The following DLGAP1 variants were observed in gnomAD, a reference collection of about 807,000 sequenced individuals.
DLGAP1 encodes the protein DLG associated protein 1, also known as disks large-associated protein 1.
DLGAP1 carries 11 observed loss-of-function variants against 90.8 expected under a neutral mutation model. The observed-to-expected ratio is 0.12, with a 90% confidence interval of 0.08 to 0.20. DLGAP1 has a LOEUF of 0.20. Ranked by LOEUF, DLGAP1 falls within the 10% of genes least tolerant of loss-of-function variation. DLGAP1 has a pLI of 1.00. For missense variants in DLGAP1, 1,050 were observed against 1,333.8 expected, an observed-to-expected ratio of 0.79 and a Z score of 3.31; for synonymous variants, 558 against 540.7, an observed-to-expected ratio of 1.03 and a Z score of -0.44.
At chr18:3,782,775 T>C (rs1480261304) in intron 5 of DLGAP1, among the ~76,000 whole-genome samples, 1 of 152,216 alleles carries the variant, frequency 6.6e-6, no homozygotes, top group Admixed American at 6.5e-5. Context: ...TGACCTCAAT[T>C]ATTATGACTT....
chr18:3,853,071 T>C (rs2069433667), intron 4 of DLGAP1, among the ~76,000 whole-genome samples: 1 of 152,156 alleles, frequency 6.6e-6, no homozygotes, highest in African/African-American at 2.4e-5. Flanking sequence ...CGACAGGGAT[T>C]ACCTCTTCTT....
intron 4 of DLGAP1, among the ~76,000 whole-genome samples, chr18:3,844,260 A>AT (rs948020709): frequency 6.6e-6 from 1 of 152,188 alleles, no homozygotes; most frequent in Admixed American, 6.5e-5. Context: ...AAAGTCTCTG[A>AT]TTTTTCAGGT....
At chr18:3,864,345 T>C (rs536263893) in intron 4 of DLGAP1, among the ~76,000 whole-genome samples, 3 of 152,332 alleles carry the variant, frequency 2.0e-5, no homozygotes, top group South Asian at 4.1e-4. Context: ...TAGGGAATTA[T>C]TTCACTTCTC....
intron 2 of DLGAP1, among the ~76,000 whole-genome samples, chr18:4,063,978 A>G (rs1329532029): frequency 2.0e-5 from 3 of 151,998 alleles, no homozygotes; most frequent in Non-Finnish European, 2.9e-5. Flanking sequence ...TGGCCCCCAC[A>G]ATTCATTCTC....
chr18:4,181,690 A>G (rs894907543), intron 1 of DLGAP1, among the ~76,000 whole-genome samples: 1 of 151,100 alleles, frequency 6.6e-6, no homozygotes, highest in African/African-American at 2.4e-5. Flanking sequence ...GTGTCTTTGG[A>G]TTTCTTCTTT....
rs561008222 is a variant in DLGAP1 at position 3,775,876 on chromosome 18, T to C, written c.1173-33364A>G. Among the ~76,000 whole-genome samples, 1 of 152,206 alleles carries C rather than the reference T, an allele frequency of 6.6e-6. No homozygotes were observed. Among genetic ancestry groups the C allele is most frequent in the Admixed American group, 6.5e-5 (1 of 15,276 alleles). On this transcript the variant is annotated intron_variant, in intron 5 of 12. Transcript: ENST00000315677. The surrounding 1 kb of genome is among the most constrained non-coding windows in gnomAD (Gnocchi z 4.9). The stretch of plus-strand genomic sequence containing the variant: ...AGAGATAAACAACCCTGGCTTCTGA[T>C]ACCATAGATTCGTTTGGTCTGTTTT...
chr18:3,970,649 A>G (rs76596335), intron 3 of DLGAP1, among the ~76,000 whole-genome samples: 1,919 of 152,316 alleles, frequency 0.013, 17 homozygotes, highest in Non-Finnish European at 0.02. Flanking sequence ...TTAGACTGCA[A>G]AATAGTAATA....
intron 2 of DLGAP1, among the ~76,000 whole-genome samples, chr18:4,120,141 G>A (rs888154684): frequency 1.3e-5 from 2 of 152,174 alleles, no homozygotes; most frequent in Non-Finnish European, 2.9e-5. Context: ...TAATTATAAT[G>A]CTATTTATTA....
chr18:4,147,571 TTCCATCCATCCATCCATCCATCCATCCA>T (rs140010625), intron 2 of DLGAP1, among the ~76,000 whole-genome samples: 46 of 147,890 alleles, frequency 3.1e-4, no homozygotes, highest in African/African-American at 1.1e-3. Context: ...TCATCCATTC[TTCCATCCATCCATCCATCCATCCATCCA>T]TCCATCCATC....
chr18:3,757,053 G>C (rs1310980402), intron 5 of DLGAP1, among the ~76,000 whole-genome samples: 1 of 152,126 alleles, frequency 6.6e-6, no homozygotes, highest in East Asian at 1.9e-4. Flanking sequence ...GAAAATAGAG[G>C]AAGAATAAAT....
rs1326321675 is a variant in DLGAP1, at chr18:3,990,193, T to C, written c.-73+14923A>G. On this transcript the variant is annotated intron_variant, in intron 3 of 12. Coordinates refer to ENST00000315677, the MANE Select transcript of DLGAP1 (RefSeq NM_004746.4). ...AAAGACACATGCACGTGTATGTTTA[T>C]TGCGGCACTATTCACAATAGCAAAG... Among the ~76,000 whole-genome samples, 182 of 152,296 alleles carry C rather than the reference T, an allele frequency of 1.2e-3. 4 individuals carry two copies. Among genetic ancestry groups the C allele is most frequent in the Non-Finnish European group, 1.9e-4 (13 of 68,038 alleles).
intron 4 of DLGAP1, among the ~76,000 whole-genome samples, chr18:3,826,356 T>C (rs887408679): frequency 6.6e-6 from 1 of 152,140 alleles, no homozygotes; most frequent in Non-Finnish European, 1.5e-5. Flanking sequence ...TAGGCAATGA[T>C]ACGTACTATG....
intron 1 of DLGAP1, among the ~76,000 whole-genome samples, chr18:4,338,772 C>A (rs1423217529): frequency 6.6e-6 from 1 of 152,136 alleles, no homozygotes; most frequent in African/African-American, 2.4e-5. Flanking sequence ...TTCCATTATG[C>A]AAATAAACTA....
In DLGAP1 at chr18:3,499,096, G is replaced by A. The variant is rs2049792942; in HGVS notation, c.*89C>T. On this transcript the variant is annotated 3_prime_UTR_variant, in exon 13 of 13. Transcript: ENST00000315677. The surrounding 1 kb of genome is among the most constrained non-coding windows in gnomAD (Gnocchi z 6.4). ...GAAGTCACCGAGCTCGGGAGCGGAC[G>A]GGCTCGGAGGGGGAGAGGCAGCCGG... is the stretch of plus-strand genomic sequence containing the variant. The A allele has an allele frequency of 1.2e-5, 15 of 1,218,748 alleles. No individual in the cohort carries two copies. In the South Asian group the frequency reaches 2.1e-4, roughly 17 times the overall value. The allele number at this position is 1,218,748 out of a possible 1,614,324, so 75.5% of individuals were successfully genotyped here. A position where few individuals can be genotyped will look rare whatever the true frequency, so the allele number is the denominator to read the frequency against.
At chr18:3,812,983 A>C (rs1468530588) in intron 5 of DLGAP1, among the ~76,000 whole-genome samples, 1 of 152,222 alleles carries the variant, frequency 6.6e-6, no homozygotes, top group East Asian at 1.9e-4. Context: ...TTTCAGGTCC[A>C]AATGGAATTC....
chr18:4,014,611 T>G (rs551840447), intron 2 of DLGAP1, among the ~76,000 whole-genome samples: 1 of 152,356 alleles, frequency 6.6e-6, no homozygotes, highest in South Asian at 2.1e-4. Flanking sequence ...TCAATTACTC[T>G]GATTTGATCA....
At chr18:3,580,127 A>C (rs1336423076) in intron 8 of DLGAP1, 1 of 1,107,254 alleles carries the variant, frequency 9.0e-7, no homozygotes, top group Non-Finnish European at 1.4e-6. Context: ...TTAGAGAACA[A>C]AAATAATAGC....
At chr18:3,573,549 A>T (rs2054932778) in intron 8 of DLGAP1, among the ~76,000 whole-genome samples, 1 of 152,200 alleles carries the variant, frequency 6.6e-6, no homozygotes. Flanking sequence ...ACATGCTTTA[A>T]ATAACATAGG....
chr18:3,926,157 A>C (rs1481772083), intron 3 of DLGAP1, among the ~76,000 whole-genome samples: 1 of 152,240 alleles, frequency 6.6e-6, no homozygotes, highest in Non-Finnish European at 1.5e-5. Context: ...AGGTCATTGT[A>C]TAAGCCAGGT....
Sources: allele counts gnomAD v4.1 joint callset (sites outside exome capture counted in the v4.1 genomes callset), GRCh38; gene constraint gnomAD v4.1.1; non-coding constraint Gnocchi (gnomAD v3.1); transcripts MANE v1.5; gene names NCBI Gene and HGNC (gene_info 2026-07-23, HGNC 2026-07-21).